Variants in FAM3D observed in about 807,000 individuals in gnomAD.
FAM3D encodes the protein protein FAM3D.
FAM3D carries 26 observed loss-of-function variants against 29.8 expected under a neutral mutation model. The ratio of observed to expected loss-of-function variants is 0.87; its 90% CI spans 0.64 to 1.21. The LOEUF (loss-of-function observed/expected upper bound fraction) is 1.21. Ranked by LOEUF, FAM3D falls within the 50% of genes most tolerant of loss-of-function variation. The probability of loss-of-function intolerance (pLI) is 0.00; values close to 1 mark genes in which losing one functional copy is unlikely to be tolerated. For synonymous variants in FAM3D, 115 were observed against 102.3 expected (o/e 1.12, Z -0.75); for missense variants, 253 against 290.9 (o/e 0.87, Z 0.95).
intron 3 of FAM3D, among the ~76,000 whole-genome samples, 186 bp downstream of exon 3, chr3:58,653,488 C>T (rs2066704606): frequency 6.6e-6 from 1 of 152,230 alleles, no homozygotes; most frequent in African/African-American, 2.4e-5. Context: ...CAATGCACCT[C>T]TGTTCCCCAT....
intron 5 of FAM3D, among the ~76,000 whole-genome samples, chr3:58,644,577 G>A (rs546175325): frequency 5.3e-5 from 8 of 152,210 alleles, no homozygotes; most frequent in South Asian, 2.1e-4. Context: ...TATCAGCAGC[G>A]TGAAAACGGA....
At chr3:58,658,670 G>A (rs923433920) in intron 1 of FAM3D, among the ~76,000 whole-genome samples, 1 of 152,164 alleles carries the variant, frequency 6.6e-6, no homozygotes, top group African/African-American at 2.4e-5. Context: ...CACCCGCCCT[G>A]TCATAAGGGT....
rs557162055 is a variant in FAM3D at position 58,649,560 on chromosome 3, T to C, written c.122-222A>G. 4.1e-5 allele frequency: 24 copies of C among 588,860 alleles called. No homozygotes were observed. In the South Asian group the frequency reaches 4.2e-4, roughly 10 times the overall value. 36.5% of individuals were successfully genotyped at this position (588,860 alleles called of 1,614,324 possible). A position where few individuals can be genotyped will look rare whatever the true frequency, so the allele number is the denominator to read the frequency against. On this transcript the variant is annotated intron_variant, in intron 3 of 9. Coordinates refer to ENST00000358781, the MANE Select transcript of FAM3D (RefSeq NM_138805.3). ...ATGTGTACACACACGCACACACATA[T>C]ACACATGCACACACACACACATGCA...
intron 4 of FAM3D, among the ~76,000 whole-genome samples, chr3:58,646,442 C>T (rs1029082987): frequency 2.0e-5 from 3 of 152,086 alleles, no homozygotes; most frequent in Admixed American, 6.5e-5. Flanking sequence ...GCTGGTGGGA[C>T]CTAAAGATGT....
At chr3:58,658,664 C>T (rs1415653761) in intron 1 of FAM3D, among the ~76,000 whole-genome samples, 12 of 152,194 alleles carry the variant, frequency 7.9e-5, no homozygotes, top group Admixed American at 7.9e-4. Context: ...TCATGGCACC[C>T]GCCCTGTCAT....
At chr3:58,646,346 G>A (rs1021949998) in intron 4 of FAM3D, among the ~76,000 whole-genome samples, 1 of 152,184 alleles carries the variant, frequency 6.6e-6, no homozygotes, top group Non-Finnish European at 1.5e-5. Flanking sequence ...TGGCACCTCT[G>A]GTGATGCTGG....
Position 58,634,431 on chromosome 3 carries a change from C to T in FAM3D, c.586-63G>A. 1 of 1,443,028 alleles carries T rather than the reference C, an allele frequency of 6.9e-7. No individual in the cohort carries two copies. Among genetic ancestry groups the T allele is most frequent in the Admixed American group, 1.7e-5 (1 of 58,232 alleles). The allele number at this position is 1,443,028 out of a possible 1,614,324, so 89.4% of individuals were successfully genotyped here. A position where few individuals can be genotyped will look rare whatever the true frequency, so the allele number is the denominator to read the frequency against. ...TGAGGCTGTTCAGAACTCATGCCCACATGGACACTGTGCTCTAAACCTAAA... is the reference window on the plus strand; with the variant it reads ...TGAGGCTGTTCAGAACTCATGCCCATATGGACACTGTGCTCTAAACCTAAA... On this transcript the variant is annotated intron_variant, in intron 9 of 9. Transcript: ENST00000358781. This position sits in a 1 kb window ranked among gnomAD's most constrained non-coding sequence, Gnocchi z 4.6.
At chr3:58,662,779 C>A (rs2066956438) in intron 1 of FAM3D, among the ~76,000 whole-genome samples, 1 of 152,230 alleles carries the variant, frequency 6.6e-6, no homozygotes, top group South Asian at 2.1e-4. Flanking sequence ...ACTCCCTTCT[C>A]TGGCTCCAGG....
chr3:58,660,370 A>G (rs1042523809), intron 1 of FAM3D, among the ~76,000 whole-genome samples: 2 of 152,096 alleles, frequency 1.3e-5, no homozygotes, highest in Non-Finnish European at 2.9e-5. Flanking sequence ...AACACCCGCA[A>G]TTGTGACCCA....
At chr3:58,659,521 C>A (rs1170377899) in intron 1 of FAM3D, among the ~76,000 whole-genome samples, 1 of 152,220 alleles carries the variant, frequency 6.6e-6, no homozygotes, top group Non-Finnish European at 1.5e-5. Context: ...TGACTATTTT[C>A]CCTGCTTAAA....
At chr3:58,650,212 AC>A (rs71791594) in intron 3 of FAM3D, among the ~76,000 whole-genome samples, 163 of 151,214 alleles carry the variant, frequency 1.1e-3, no homozygotes, top group African/African-American at 3.5e-3. Flanking sequence ...TTTTGGGGGA[AC>A]CCCCCCCAAC....
chr3:58,636,210 G>T, intron 9 of FAM3D, 84 bp downstream of exon 9: 2 of 1,544,496 alleles, frequency 1.3e-6, no homozygotes, highest in South Asian at 1.2e-5. Flanking sequence ...TAAGGCCCCT[G>T]GGAGGTGAAT....
chr3:58,646,438 G>A (rs2066482877), intron 4 of FAM3D, among the ~76,000 whole-genome samples: 1 of 152,214 alleles, frequency 6.6e-6, no homozygotes. Flanking sequence ...AGATGCTGGT[G>A]GGACCTAAAG....
At chr3:58,665,548 T>A (rs1330422857) in intron 1 of FAM3D, among the ~76,000 whole-genome samples, 1 of 152,206 alleles carries the variant, frequency 6.6e-6, no homozygotes, top group African/African-American at 2.4e-5. Context: ...TTAATCATTG[T>A]GTCTTTTTTA....
chr3:58,660,587 A>G (rs1256840034), intron 1 of FAM3D, among the ~76,000 whole-genome samples: 1 of 152,224 alleles, frequency 6.6e-6, no homozygotes. Flanking sequence ...AAAGAAGCCC[A>G]TTATTCCCAT....
intron 6 of FAM3D, among the ~76,000 whole-genome samples, chr3:58,640,754 G>A (rs925422430): frequency 7.9e-5 from 12 of 152,264 alleles, no homozygotes; most frequent in African/African-American, 2.9e-4. Flanking sequence ...AAGCCCTCCA[G>A]GGAACCGAGT....
At chr3:58,663,739 C>A (rs1285644695) in intron 1 of FAM3D, among the ~76,000 whole-genome samples, 1 of 152,190 alleles carries the variant, frequency 6.6e-6, no homozygotes, top group Non-Finnish European at 1.5e-5. Context: ...CTGTCATTTT[C>A]ACCAGAACAT....
intron 2 of FAM3D, among the ~76,000 whole-genome samples, chr3:58,654,262 G>T (rs1168194968): frequency 6.6e-6 from 1 of 152,240 alleles, no homozygotes; most frequent in East Asian, 1.9e-4. Flanking sequence ...CTGAGCTGAA[G>T]TCCTTCAGGC....
chr3:58,638,730 G>A (rs942225503), intron 7 of FAM3D, among the ~76,000 whole-genome samples: 3 of 152,158 alleles, frequency 2.0e-5, no homozygotes, highest in Non-Finnish European at 2.9e-5. Context: ...ATTCCAGTGC[G>A]GACCTCTAGG....
Sources: gnomAD v4.1 joint callset for allele counts (sites outside exome capture counted in the v4.1 genomes callset) on GRCh38, gnomAD v4.1.1 for gene constraint, Gnocchi (gnomAD v3.1) non-coding constraint, MANE v1.5 for transcripts, NCBI Gene and HGNC (gene_info 2026-07-23, HGNC 2026-07-21) for gene names.